Variants in MYLK4 observed in about 807,000 individuals in gnomAD.
The protein encoded by MYLK4 is myosin light chain kinase family member 4, also known as caMLCK like.
A neutral mutation model predicts 48.1 loss-of-function variants in MYLK4; 46 were observed. The observed-to-expected ratio is 0.96, with a 90% CI of 0.75 to 1.22. MYLK4 has a LOEUF of 1.22. Ranked by LOEUF, MYLK4 falls within the 50% of genes most tolerant of loss-of-function variation. The probability of loss-of-function intolerance (pLI) is 0.00; values close to 1 mark genes in which losing one functional copy is unlikely to be tolerated. For missense variants in MYLK4, 451 were observed against 486.1 expected (o/e 0.93, Z 0.68); for synonymous variants, 170 against 180.8 (o/e 0.94, Z 0.48).
chr6:2,686,779 G>A (rs888932436), intron 4 of MYLK4, among the ~76,000 whole-genome samples: 3 of 152,196 alleles, frequency 2.0e-5, no homozygotes, highest in Non-Finnish European at 4.4e-5. Context: ...ACGTAGCCAC[G>A]GCGTGACTTC....
intron 2 of MYLK4, among the ~76,000 whole-genome samples, chr6:2,713,523 GTC>G (rs1762757358): frequency 2.6e-5 from 4 of 152,366 alleles, no homozygotes; most frequent in Admixed American, 2.6e-4. Flanking sequence ...TTCTGTGTGT[GTC>G]TCAGTGTGGA....
the MYLK4 span, among the ~76,000 whole-genome samples, chr6:2,764,552 A>G: frequency 9.7e-6 from 1 of 103,072 alleles, no homozygotes. Flanking sequence ...AAAACGGGAG[A>G]CTTAGACAAA....
chr6:2,766,107 C>A, the MYLK4 span: 2 of 1,318,446 alleles, frequency 1.5e-6, no homozygotes, highest in Non-Finnish European at 1.9e-6. Flanking sequence ...GAGGCGGAGG[C>A]GCAGGAGGAG....
intron 2 of MYLK4, among the ~76,000 whole-genome samples, chr6:2,709,563 G>A (rs1208237162): frequency 6.6e-6 from 1 of 152,214 alleles, no homozygotes; most frequent in Non-Finnish European, 1.5e-5. Flanking sequence ...CAACAAACAA[G>A]CAAGTACAGC....
At chr6:2,760,638 G>A in the MYLK4 span, among the ~76,000 whole-genome samples, 16,855 of 152,074 alleles carry the variant, frequency 0.11, 991 homozygotes, top group South Asian at 0.17. Context: ...GAGAAAGGCT[G>A]TATATACTCC....
At chr6:2,737,523 G>A (rs527747612) in intron 2 of MYLK4, among the ~76,000 whole-genome samples, 6 of 152,230 alleles carry the variant, frequency 3.9e-5, no homozygotes, top group East Asian at 1.9e-4. Flanking sequence ...GGGGAGGAAC[G>A]AACACATTCT....
the MYLK4 span, chr6:2,765,663 A>C: frequency 6.5e-7 from 1 of 1,550,078 alleles, no homozygotes; most frequent in East Asian, 2.6e-5. Context: ...TTCCTTTCGC[A>C]GCTGCACCAG....
intron 10 of MYLK4, among the ~76,000 whole-genome samples, chr6:2,676,599 G>C (rs1266088067): frequency 6.6e-6 from 1 of 152,122 alleles, no homozygotes; most frequent in Non-Finnish European, 1.5e-5. Flanking sequence ...GTGGTGTTTG[G>C]CTTTTGGCTT....
chr6:2,688,211 A>T (rs1761633803), intron 4 of MYLK4, among the ~76,000 whole-genome samples: 1 of 151,982 alleles, frequency 6.6e-6, no homozygotes, highest in Non-Finnish European at 1.5e-5. Context: ...GGCATGCGCC[A>T]CCACGCCCAG....
At chr6:2,762,301 A>G in the MYLK4 span, among the ~76,000 whole-genome samples, 2 of 152,220 alleles carry the variant, frequency 1.3e-5, no homozygotes, top group South Asian at 2.1e-4. Flanking sequence ...AATTAGGTCT[A>G]TATGCAACTC....
chr6:2,768,972 G>A, the MYLK4 span: 1,046 of 1,262,322 alleles, frequency 8.3e-4, 3 homozygotes, highest in Admixed American at 2.6e-3. Context: ...AGAGACTTAC[G>A]AGCTTTGTTT....
intron 2 of MYLK4, among the ~76,000 whole-genome samples, chr6:2,723,607 T>C (rs1468462080): frequency 2.0e-5 from 3 of 152,354 alleles, no homozygotes; most frequent in Non-Finnish European, 4.4e-5. Context: ...TATTTCCTTT[T>C]CACTCATGGC....
chr6:2,690,968 A>G (rs1761770082), intron 3 of MYLK4, among the ~76,000 whole-genome samples: 1 of 151,862 alleles, frequency 6.6e-6, no homozygotes. Flanking sequence ...AGCTGGGACT[A>G]CAGGCGCCCG....
intron 2 of MYLK4, among the ~76,000 whole-genome samples, chr6:2,708,340 T>C (rs1041736779): frequency 2.8e-4 from 43 of 152,180 alleles, no homozygotes; most frequent in African/African-American, 1.0e-3. Flanking sequence ...CTCTACTGGG[T>C]TTGGGAATGA....
chr6:2,744,927 C>T (rs545293184), intron 2 of MYLK4, among the ~76,000 whole-genome samples: 150 of 152,256 alleles, frequency 9.9e-4, no homozygotes, highest in African/African-American at 3.0e-3. Flanking sequence ...GGATGTGGAA[C>T]GGTGGGCTAT....
chr6:2,760,407 G>A, the MYLK4 span, among the ~76,000 whole-genome samples: 1 of 152,300 alleles, frequency 6.6e-6, no homozygotes, highest in East Asian at 1.9e-4. Flanking sequence ...AAGCTCCACT[G>A]AGTTTCTATG....
At chr6:2,732,642 T>C (rs959150956) in intron 2 of MYLK4, among the ~76,000 whole-genome samples, 2 of 150,970 alleles carry the variant, frequency 1.3e-5, no homozygotes, top group South Asian at 2.1e-4. Flanking sequence ...GTGCCTATCA[T>C]GCCAAGTGAC....
chr6:2,692,781 T>TA lies in MYLK4; in HGVS notation c.235+2dup, dbSNP rs776329495. ...TAACTATCTACTTTTCTAAAGATGT[T>TA]ACCTGCGAGGGCTGATGTCCTTTTG... On this transcript the variant is annotated splice_region_variant and intron_variant, in intron 3 of 12. Transcript: ENST00000274643. 6 of 1,613,452 alleles carry TA rather than the reference T, an allele frequency of 3.7e-6. No homozygotes were observed. The highest frequency in any genetic ancestry group is 3.4e-6 in the Non-Finnish European group (4 of 1,179,724).
At chr6:2,688,528 C>T (rs535288972) in intron 4 of MYLK4, among the ~76,000 whole-genome samples, 8 of 152,334 alleles carry the variant, frequency 5.3e-5, no homozygotes, top group African/African-American at 1.7e-4. Context: ...AAAAACTACA[C>T]GCTGTTGACT....
Sources: allele counts gnomAD v4.1 joint callset (sites outside exome capture counted in the v4.1 genomes callset), GRCh38; gene constraint gnomAD v4.1.1; transcripts MANE v1.5; gene names NCBI Gene and HGNC (gene_info 2026-07-23, HGNC 2026-07-21).